The following KIF6 variants were observed in gnomAD, a reference collection of about 807,000 sequenced individuals.
KIF6 encodes kinesin family member 6, also known as kinesin-like protein KIF6.
KIF6 carries 106 observed loss-of-function variants against 112.7 expected under a neutral mutation model. That is an observed-to-expected ratio of 0.94 (90% CI 0.80 to 1.11). KIF6 has a LOEUF of 1.11. Among genes scored for constraint, KIF6 ranks in the 50% least tolerant of loss-of-function variants. The probability of loss-of-function intolerance (pLI) is 0.00; values close to 1 mark genes in which losing one functional copy is unlikely to be tolerated. For synonymous variants in KIF6, 339 were observed against 339.9 expected, an observed-to-expected ratio of 1.00 and a Z score of 0.03; for missense variants, 929 against 964.0, an observed-to-expected ratio of 0.96 and a Z score of 0.48.
chr6:39,434,138 C>T (rs191297973), intron 13 of KIF6, among the ~76,000 whole-genome samples: 124 of 152,140 alleles, frequency 8.2e-4, no homozygotes, highest in African/African-American at 2.0e-3. Flanking sequence ...ATGAGACAAT[C>T]GTCTATTTAT....
At chr6:39,724,483 C>T (rs1176564643) in intron 1 of KIF6, among the ~76,000 whole-genome samples, 2 of 142,140 alleles carry the variant, frequency 1.4e-5, no homozygotes, top group African/African-American at 5.1e-5. Flanking sequence ...AAGGTGCATA[C>T]AAAGTATCAT....
At chr6:39,386,970 T>C (rs1767483423) in intron 15 of KIF6, among the ~76,000 whole-genome samples, 1 of 152,206 alleles carries the variant, frequency 6.6e-6, no homozygotes, top group Non-Finnish European at 1.5e-5. Flanking sequence ...TATAGCTGAA[T>C]TGAGTATTCA....
chr6:39,342,267 C>G lies in KIF6; in HGVS notation c.2428+1442G>C, dbSNP rs547039739. Among the ~76,000 whole-genome samples the G allele has an allele frequency of 6.6e-6, 1 of 152,356 alleles. No individual in the cohort carries two copies. The highest frequency in any genetic ancestry group is 2.4e-5 in the African/African-American group (1 of 41,578). On this transcript the variant is annotated intron_variant, in intron 22 of 22. Transcript: ENST00000287152. The surrounding 1 kb of genome is among the most constrained non-coding windows in gnomAD (Gnocchi z 4.7). ...AGCAAGGCCTCCCCAACCTACCCAG[C>G]TAAAAGCAGTCTTCCCAGTTACTGT...
chr6:39,553,187 G>A (rs1779486833), intron 10 of KIF6, among the ~76,000 whole-genome samples: 1 of 152,134 alleles, frequency 6.6e-6, no homozygotes, highest in African/African-American at 2.4e-5. Context: ...TTACATGCAA[G>A]GAATTGAGTT....
chr6:39,367,652 G>A (rs1029559282), intron 16 of KIF6, among the ~76,000 whole-genome samples: 1 of 152,158 alleles, frequency 6.6e-6, no homozygotes, highest in Non-Finnish European at 1.5e-5. Flanking sequence ...GGAATTAGCC[G>A]TGCAAGGACC....
chr6:39,442,493 C>T (rs1020722778), intron 13 of KIF6, among the ~76,000 whole-genome samples: 1 of 152,198 alleles, frequency 6.6e-6, no homozygotes, highest in Non-Finnish European at 1.5e-5. Flanking sequence ...CAGACGCAGG[C>T]ACTGAGTTTG....
chr6:39,621,371 A>G (rs1181780120), intron 5 of KIF6, among the ~76,000 whole-genome samples: 2 of 152,174 alleles, frequency 1.3e-5, no homozygotes, highest in Non-Finnish European at 2.9e-5. Flanking sequence ...GGCTCTCATC[A>G]TACCTGGGAA....
intron 13 of KIF6, among the ~76,000 whole-genome samples, chr6:39,442,829 A>G (rs1451692456): frequency 6.6e-6 from 1 of 152,114 alleles, no homozygotes; most frequent in Non-Finnish European, 1.5e-5. Context: ...GAGGCTCCAG[A>G]TCGGCTGGGC....
intron 13 of KIF6, among the ~76,000 whole-genome samples, chr6:39,467,539 C>T (rs1375296186): frequency 6.6e-6 from 1 of 151,684 alleles, no homozygotes; most frequent in East Asian, 1.9e-4. Flanking sequence ...CCATTGTCAT[C>T]CTAAGGTGAC....
At chr6:39,682,601 A>G (rs1056005712) in intron 3 of KIF6, among the ~76,000 whole-genome samples, 2 of 152,144 alleles carry the variant, frequency 1.3e-5, no homozygotes, top group African/African-American at 4.8e-5. Flanking sequence ...TTTTTTTGAG[A>G]TGGAGTCTTG....
At chr6:39,558,231 T>C (rs1190537111) in intron 10 of KIF6, among the ~76,000 whole-genome samples, 1 of 152,130 alleles carries the variant, frequency 6.6e-6, no homozygotes, top group African/African-American at 2.4e-5. Flanking sequence ...CAGACGGGTT[T>C]GATTTGTTGA....
At chr6:39,360,233 C>A (rs899222023) in intron 18 of KIF6, among the ~76,000 whole-genome samples, 162 bp downstream of exon 18, 2 of 152,178 alleles carry the variant, frequency 1.3e-5, no homozygotes, top group Admixed American at 6.5e-5. Flanking sequence ...TGAACCCCTG[C>A]CCTTTTGTCA....
intron 13 of KIF6, among the ~76,000 whole-genome samples, chr6:39,472,814 C>T (rs1421529967): frequency 6.6e-6 from 1 of 152,008 alleles, no homozygotes; most frequent in Non-Finnish European, 1.5e-5. Flanking sequence ...GATGCAACTA[C>T]AGTGTTAATG....
intron 13 of KIF6, among the ~76,000 whole-genome samples, chr6:39,534,228 T>G (rs1465845080): frequency 6.6e-6 from 1 of 151,980 alleles, no homozygotes; most frequent in East Asian, 1.9e-4. Flanking sequence ...CTTTGACGAG[T>G]TGAGAGAAGA....
At chr6:39,347,885 GCC>G (rs753536745) in intron 19 of KIF6, among the ~76,000 whole-genome samples, 1 of 152,206 alleles carries the variant, frequency 6.6e-6, no homozygotes, top group African/African-American at 2.4e-5. Context: ...GCCTGGGGAA[GCC>G]CCCCCTCACC....
intron 1 of KIF6, 98 bp from the exon 2 acceptor site, chr6:39,720,909 T>G: frequency 1.6e-6 from 1 of 633,538 alleles, no homozygotes; most frequent in Non-Finnish European, 2.8e-6. Flanking sequence ...AAAATTATAC[T>G]CTTAAGATTA....
intron 3 of KIF6, among the ~76,000 whole-genome samples, chr6:39,641,104 C>T (rs1784874147): frequency 6.6e-6 from 1 of 152,098 alleles, no homozygotes; most frequent in Non-Finnish European, 1.5e-5. Flanking sequence ...TTTTCCTCAA[C>T]AGAATTTGTT....
intron 3 of KIF6, among the ~76,000 whole-genome samples, chr6:39,710,318 C>G (rs1789470857): frequency 6.6e-6 from 1 of 152,112 alleles, no homozygotes; most frequent in African/African-American, 2.4e-5. Context: ...CCACAGTGAA[C>G]AGAAACAGCA....
chr6:39,423,157 C>A (rs868345589), intron 14 of KIF6, among the ~76,000 whole-genome samples: 1 of 152,156 alleles, frequency 6.6e-6, no homozygotes, highest in Non-Finnish European at 1.5e-5. Flanking sequence ...ATGTCACCTG[C>A]ACACAAAATC....
Sources: allele counts gnomAD v4.1 joint callset (sites outside exome capture counted in the v4.1 genomes callset), GRCh38; gene constraint gnomAD v4.1.1; non-coding constraint Gnocchi (gnomAD v3.1); transcripts MANE v1.5; gene names NCBI Gene and HGNC (gene_info 2026-07-23, HGNC 2026-07-21).